COL6A3: variants seen among roughly 807,000 people sequenced by gnomAD.
COL6A3 encodes the protein collagen alpha-3(VI) chain.
Under a neutral mutation model 274.1 loss-of-function variants are expected in COL6A3, and 137 were observed. The ratio of observed to expected loss-of-function variants is 0.50; its 90% CI spans 0.44 to 0.58. COL6A3 has a LOEUF of 0.58. COL6A3 is among the 20% of genes least tolerant of loss of function. COL6A3 has a pLI of 0.00. For missense variants in COL6A3, 3,950 were observed against 4,124.9 expected, an observed-to-expected ratio of 0.96 and a Z score of 1.16; for synonymous variants, 1,650 against 1,650.6, an observed-to-expected ratio of 1.00 and a Z score of 0.01.
chr2:237,359,382 G>A lies in COL6A3; in HGVS notation c.6289C>T (p.Arg2097Trp), dbSNP rs148252611. ...CATACCTTCTCTCCTGGGAATCCCC[G>A]AGAGCCCTAGAAGGCAAGGCGATAG... ...CPGQRGVKGS[R>W]GFPGEKGEVG... The change falls in exon 18 of 44, where the codon CGG becomes TGG. Residue 2097 changes from arginine (R) to tryptophan (W), a missense_variant. By Grantham distance (101) the Arg-to-Trp change is moderately radical. Coordinates refer to ENST00000295550, the MANE Select transcript of COL6A3 (RefSeq NM_004369.4). 122 of 1,613,776 alleles carry A rather than the reference G, an allele frequency of 7.6e-5. No homozygotes were observed. The highest frequency in any genetic ancestry group is 2.6e-4 in the South Asian group (24 of 91,078).
At position 237,374,424 on chromosome 2, in the gene COL6A3, G is replaced by C; in HGVS notation, c.3667C>G (p.Leu1223Val). The change falls in exon 8 of 44, where the codon CTA (leucine) becomes GTA (valine). Residue 1223 changes from leucine (L) to valine (V), a missense_variant. This residue lies in a region of COL6A3 where 1,934 missense variants were observed against 1,984.3 expected (regional missense o/e 0.97). Transcript: ENST00000295550. This position sits in a 1 kb window ranked among gnomAD's most constrained non-coding sequence, Gnocchi z 4.8. ...GTTCCCTGCGTACCTGGGCTCGGTA[G>C]AGGCTGCAACACCGGCTGCAGCCTG... is the stretch of plus-strand genomic sequence containing the variant. ...LSRLQPVLQP[L>V]PSPGVGGKRD... The C allele has an allele frequency of 6.2e-7, 1 of 1,613,114 alleles. No individual in the cohort carries two copies. The highest frequency in any genetic ancestry group is 2.2e-5 in the East Asian group (1 of 44,878).
chr2:237,370,200 C>T (rs1266452728), intron 9 of COL6A3, among the ~76,000 whole-genome samples: 1 of 149,724 alleles, frequency 6.7e-6, no homozygotes, highest in African/African-American at 2.5e-5. Context: ...TACATTAGCG[C>T]ATTTTTAAAA....
chr2:237,382,939 G>C (rs900390823), intron 4 of COL6A3, among the ~76,000 whole-genome samples: 1 of 151,970 alleles, frequency 6.6e-6, no homozygotes, highest in Non-Finnish European at 1.5e-5. Flanking sequence ...AGGTATGCAC[G>C]ACCACGCCCG....
intron 7 of COL6A3, 95 bp downstream of exon 7, chr2:237,376,677 A>C (rs1475914159): frequency 5.7e-6 from 7 of 1,223,364 alleles, no homozygotes; most frequent in African/African-American, 3.0e-5. Context: ...AAACTCAAGG[A>C]GGGCTTCTAT....
At position 237,379,245 on chromosome 2, in the gene COL6A3, A is replaced by T. The variant is rs573663410; in HGVS notation, c.1898-10T>A. ...CTTTTGTTTGAGTGAACTGCAGTGA[A>T]GCACAGAAAAAAAAGTGAGACATAC... is the stretch of plus-strand genomic sequence containing the variant. On this transcript the variant is annotated splice_polypyrimidine_tract_variant and intron_variant, in intron 5 of 43. Transcript: ENST00000295550. 4.3e-5 allele frequency: 69 copies of T among 1,614,054 alleles called. No homozygotes were observed. The highest frequency in any genetic ancestry group is 4.7e-5 in the Non-Finnish European group (55 of 1,180,004).
chr2:237,338,091 T>G (rs1314322839), intron 39 of COL6A3, among the ~76,000 whole-genome samples: 1 of 152,242 alleles, frequency 6.6e-6, no homozygotes, highest in African/African-American at 2.4e-5. Context: ...GCCCTTTCAA[T>G]GTAATGTGGC....
At chr2:237,354,357 T>C (rs1023745771) in intron 24 of COL6A3, among the ~76,000 whole-genome samples, 2 of 151,872 alleles carry the variant, frequency 1.3e-5, no homozygotes, top group African/African-American at 4.8e-5. Context: ...CCTCACATTC[T>C]GCCCACAGGG....
intron 1 of COL6A3, among the ~76,000 whole-genome samples, chr2:237,412,281 G>T (rs373541365): frequency 1.1e-4 from 16 of 152,202 alleles, no homozygotes; most frequent in South Asian, 8.3e-4. Context: ...GGCCAGCCCC[G>T]GTATTCCGGT....
intron 42 of COL6A3, among the ~76,000 whole-genome samples, chr2:237,330,476 T>C (rs915759097): frequency 1.3e-5 from 2 of 152,168 alleles, no homozygotes; most frequent in African/African-American, 4.8e-5. Context: ...GATGTTTTTG[T>C]GGGGGTTCAT....
At chr2:237,338,947 G>T in intron 39 of COL6A3, 68 bp downstream of exon 39, 1 of 1,211,556 alleles carries the variant, frequency 8.3e-7, no homozygotes, top group Non-Finnish European at 1.2e-6. Flanking sequence ...AAAGTCAGGA[G>T]GTGGTTGGAG....
rs1320937679 is a variant in COL6A3, at chr2:237,374,654, T to C, written c.3437A>G (p.Asp1146Gly). The change falls in exon 8 of 44, where the codon GAT becomes GGT. Residue 1146 changes from aspartate (D) to glycine (G), a missense_variant. This residue lies in a region of COL6A3 where 1,934 missense variants were observed against 1,984.3 expected (regional missense o/e 0.97). Coordinates refer to ENST00000295550, the MANE Select transcript of COL6A3 (RefSeq NM_004369.4). This position sits in a 1 kb window ranked among gnomAD's most constrained non-coding sequence, Gnocchi z 4.8. ...LIVLTADRSG[D>G]DVRNPSVVVK... ...GACCACGGAGGGGTTCCGCACATCA[T>C]CCCCAGACCTGTCGGCCGTGAGGAC... 6.2e-7 allele frequency: 1 copy of C among 1,614,016 alleles called. No homozygotes were observed. The highest frequency in any genetic ancestry group is 2.2e-5 in the East Asian group (1 of 44,816).
At chr2:237,326,904 G>C (rs1306646752) in intron 42 of COL6A3, 1 of 152,214 alleles carries the variant, frequency 6.6e-6, no homozygotes, top group East Asian at 1.9e-4. Context: ...GCTCAGAATT[G>C]GTCTAAAACA....
chr2:237,355,053 G>A (rs948892141), intron 23 of COL6A3, 119 bp from the exon 24 acceptor site: 2 of 943,042 alleles, frequency 2.1e-6, no homozygotes, highest in African/African-American at 1.6e-5. Context: ...ATCTTCCCAA[G>A]CACCCACATC....
intron 42 of COL6A3, chr2:237,325,940 A>G (rs574828044): frequency 4.1e-6 from 2 of 484,700 alleles, no homozygotes; most frequent in African/African-American, 1.9e-5. Context: ...AGATGAAATT[A>G]TATCAATGAA....
chr2:237,387,646 C>T lies in COL6A3; in HGVS notation c.1248G>A (p.Leu416=), dbSNP rs150219857. 745 of 1,613,796 alleles carry T rather than the reference C, an allele frequency of 4.6e-4. 5 individuals are homozygous for T. Among genetic ancestry groups the T allele is most frequent in the South Asian group, 2.4e-3 (222 of 90,972 alleles). The change falls in exon 4 of 44, where the codon CTG becomes CTA. Residue 416 remains leucine (L), a synonymous_variant. Coordinates refer to ENST00000295550, the MANE Select transcript of COL6A3 (RefSeq NM_004369.4). ...RSFGDLQEKL[L]PYIVGVAQRH... The stretch of plus-strand genomic sequence containing the variant: ...TTTGGGCCACGCCAACAATGTACGG[C>T]AGTAATTTCTCCTGGAGGTCCCCAA...
rs111660070 is a variant in COL6A3 at position 237,394,576 on chromosome 2, G to C, written c.709+11C>G. On this transcript the variant is annotated intron_variant, in intron 3 of 43. Coordinates refer to ENST00000295550, the MANE Select transcript of COL6A3 (RefSeq NM_004369.4). ...GCAGGGCAGGGCGTAGCTTGGTGGC[G>C]TTGCCATTACCTGTGATGTCTTTAA... 95 of 1,613,626 alleles carry C rather than the reference G, an allele frequency of 5.9e-5. No individual in the cohort carries two copies. Among genetic ancestry groups the C allele is most frequent in the Non-Finnish European group, 7.5e-5 (89 of 1,180,038 alleles).
At chr2:237,411,358 A>G (rs533082133) in intron 1 of COL6A3, among the ~76,000 whole-genome samples, 3 of 152,230 alleles carry the variant, frequency 2.0e-5, no homozygotes, top group African/African-American at 7.2e-5. Flanking sequence ...AATTTCACAT[A>G]TAAGTGGGAG....
intron 2 of COL6A3, among the ~76,000 whole-genome samples, chr2:237,395,917 A>G (rs1028665036): frequency 2.0e-5 from 3 of 152,186 alleles, no homozygotes; most frequent in African/African-American, 7.2e-5. Flanking sequence ...GTGGGAGCTC[A>G]GGGTATCAGG....
At position 237,407,392 on chromosome 2, in the gene COL6A3, G is replaced by A. The variant is rs891061329; in HGVS notation, c.-31+6561C>T. Among the ~76,000 whole-genome samples, 14 of 152,198 alleles carry A rather than the reference G, an allele frequency of 9.2e-5. No homozygotes were observed. The highest frequency in any genetic ancestry group is 2.1e-4 in the South Asian group (1 of 4,812). ...GGGTCCTTGTTAGATATGGAGTAGC[G>A]GATTCGAGATCTTCAACTCTTCCTG... On this transcript the variant is annotated intron_variant, in intron 1 of 43. Transcript: ENST00000295550. This position sits in a 1 kb window ranked among gnomAD's most constrained non-coding sequence, Gnocchi z 4.3.
Sources: allele counts gnomAD v4.1 joint callset (sites outside exome capture counted in the v4.1 genomes callset), GRCh38; gene constraint gnomAD v4.1.1; regional missense constraint gnomAD v4.1.1; non-coding constraint Gnocchi (gnomAD v3.1); transcripts MANE v1.5; gene names NCBI Gene and HGNC (gene_info 2026-07-23, HGNC 2026-07-21).